NFKB1: variants seen among roughly 807,000 people sequenced by gnomAD.
NFKB1 encodes nuclear factor kappa B subunit 1.
In NFKB1, 9 loss-of-function variants were observed where a neutral mutation model predicts 105.1. That is an observed-to-expected ratio of 0.09 (90% confidence interval 0.05 to 0.15). The LOEUF is 0.15. Ranked by LOEUF, NFKB1 falls within the 10% of genes least tolerant of loss-of-function variation. The pLI is 1.00. For synonymous variants in NFKB1, 440 were observed against 442.2 expected (o/e 1.00, Z 0.06); for missense variants, 830 against 1,203.7 (o/e 0.69, Z 4.59).
chr4:102,602,647 G>C (rs1163308878), intron 16 of NFKB1, among the ~76,000 whole-genome samples: 1 of 152,082 alleles, frequency 6.6e-6, no homozygotes, highest in Admixed American at 6.6e-5. Flanking sequence ...AAATTAATAG[G>C]TTTCCTGATA....
intron 10 of NFKB1, 105 bp downstream of exon 10, chr4:102,583,062 C>T (rs1725440469): frequency 1.1e-5 from 8 of 700,422 alleles, no homozygotes. Flanking sequence ...TCACTGTATC[C>T]CCCAACTGTT....
At chr4:102,554,726 C>A (rs1306505694) in intron 5 of NFKB1, among the ~76,000 whole-genome samples, 1 of 152,136 alleles carries the variant, frequency 6.6e-6, no homozygotes, top group Non-Finnish European at 1.5e-5. Flanking sequence ...AGTCTCCCTG[C>A]TGGTGGTGAA....
intron 1 of NFKB1, among the ~76,000 whole-genome samples, chr4:102,504,299 T>C (rs1739284003): frequency 1.3e-5 from 2 of 152,334 alleles, no homozygotes; most frequent in South Asian, 4.1e-4. Context: ...CACAGTACTG[T>C]TGTATAACCA....
intron 19 of NFKB1, among the ~76,000 whole-genome samples, chr4:102,609,671 G>A (rs887084070): frequency 6.7e-6 from 1 of 148,540 alleles, no homozygotes; most frequent in Admixed American, 6.7e-5. Flanking sequence ...TCCACACTTT[G>A]GTCCTGTAAA....
At chr4:102,566,752 C>T (rs1201450373) in intron 5 of NFKB1, among the ~76,000 whole-genome samples, 2 of 152,118 alleles carry the variant, frequency 1.3e-5, no homozygotes, top group Admixed American at 6.6e-5. Context: ...TTTAAGTGGC[C>T]TGCTTCTTGG....
intron 6 of NFKB1, 113 bp from the exon 7 acceptor site, chr4:102,576,763 G>A (rs140281096): frequency 7.6e-5 from 84 of 1,110,952 alleles, no homozygotes; most frequent in Non-Finnish European, 1.0e-4. Flanking sequence ...TTTGTATAAA[G>A]CATTGAGGGC....
intron 5 of NFKB1, among the ~76,000 whole-genome samples, chr4:102,566,730 T>C (rs1432685232): frequency 6.6e-6 from 1 of 152,190 alleles, no homozygotes; most frequent in East Asian, 1.9e-4. Flanking sequence ...ACTTTCACAA[T>C]ACATATTGTG....
chr4:102,564,750 G>A (rs1041543117), intron 5 of NFKB1, among the ~76,000 whole-genome samples: 3 of 152,182 alleles, frequency 2.0e-5, no homozygotes, highest in Admixed American at 1.3e-4. Context: ...ACGTGATTGG[G>A]CTTTAATTAT....
chr4:102,603,240 T>C (rs566534761), intron 16 of NFKB1, among the ~76,000 whole-genome samples: 4 of 152,156 alleles, frequency 2.6e-5, no homozygotes, highest in African/African-American at 9.6e-5. Flanking sequence ...ACCCAGCTAA[T>C]TTTTGTATTT....
At chr4:102,594,717 T>C (rs2149204796) in intron 12 of NFKB1, among the ~76,000 whole-genome samples, 175 bp from the exon 13 acceptor site, 1 of 152,304 alleles carries the variant, frequency 6.6e-6, no homozygotes, top group East Asian at 1.9e-4. Flanking sequence ...AGTGGAATTC[T>C]GATAGTCCCA....
intron 1 of NFKB1, among the ~76,000 whole-genome samples, chr4:102,512,765 G>C (rs574445093): frequency 1.3e-5 from 2 of 152,172 alleles, no homozygotes; most frequent in Non-Finnish European, 2.9e-5. Flanking sequence ...GGCCTTCGCC[G>C]TGATTATTTC....
chr4:102,604,235 A>G (rs1727476524), intron 16 of NFKB1, among the ~76,000 whole-genome samples: 1 of 152,176 alleles, frequency 6.6e-6, no homozygotes, highest in Non-Finnish European at 1.5e-5. Flanking sequence ...ACTCTCACAT[A>G]CAATCCACAT....
At chr4:102,606,204 A>C (rs1727706099) in intron 16 of NFKB1, among the ~76,000 whole-genome samples, 1 of 152,264 alleles carries the variant, frequency 6.6e-6, no homozygotes, top group Non-Finnish European at 1.5e-5. Context: ...AGATTAAAAC[A>C]TCACATTGTA....
intron 5 of NFKB1, among the ~76,000 whole-genome samples, chr4:102,559,586 A>G (rs1488894587): frequency 6.6e-6 from 1 of 152,054 alleles, no homozygotes; most frequent in Non-Finnish European, 1.5e-5. Context: ...AATTAATATT[A>G]TATATATTAT....
intron 16 of NFKB1, among the ~76,000 whole-genome samples, chr4:102,605,096 C>T (rs1194138522): frequency 6.6e-6 from 1 of 152,036 alleles, no homozygotes; most frequent in Non-Finnish European, 1.5e-5. Context: ...CAATCTCATT[C>T]TCTTTCCTTT....
chr4:102,546,320 G>A (rs1722136695), intron 5 of NFKB1, among the ~76,000 whole-genome samples: 1 of 151,946 alleles, frequency 6.6e-6, no homozygotes, highest in Non-Finnish European at 1.5e-5. Flanking sequence ...GTCTTACTTA[G>A]CTACAGTTTC....
At chr4:102,582,768 ATAG>A (rs1650841796) in intron 9 of NFKB1, 95 bp from the exon 10 acceptor site, 16 of 701,914 alleles carry the variant, frequency 2.3e-5, no homozygotes, top group South Asian at 2.0e-4. Flanking sequence ...GTGTAAATAG[ATAG>A]TAGGTAGAAT....
intron 16 of NFKB1, among the ~76,000 whole-genome samples, chr4:102,606,218 CATAAAT>C (rs1727708956): frequency 6.6e-6 from 1 of 152,066 alleles, no homozygotes; most frequent in Non-Finnish European, 1.5e-5. Context: ...CATTGTACCT[CATAAAT>C]ATATACAATT....
chr4:102,520,706 T>C (rs1432176612), intron 1 of NFKB1, among the ~76,000 whole-genome samples: 1 of 152,152 alleles, frequency 6.6e-6, no homozygotes, highest in Non-Finnish European at 1.5e-5. Flanking sequence ...AACTAAGCCA[T>C]GATCAACTTT....
Sources: gnomAD v4.1 joint callset for allele counts (sites outside exome capture counted in the v4.1 genomes callset) on GRCh38, gnomAD v4.1.1 for gene constraint, MANE v1.5 for transcripts, NCBI Gene and HGNC (gene_info 2026-07-23, HGNC 2026-07-21) for gene names.